Variants in PHF20 observed in about 807,000 individuals in gnomAD.
PHF20 encodes PHD finger protein 20, also known as glioma-expressed antigen 2.
PHF20 carries 23 observed loss-of-function variants against 113.5 expected under a neutral mutation model. The ratio of observed to expected loss-of-function variants is 0.20; its 90% CI spans 0.15 to 0.29. The LOEUF (loss-of-function observed/expected upper bound fraction) is 0.29, where lower values mean the gene tolerates loss of function less well. PHF20 is among the 10% of genes least tolerant of loss of function. PHF20 has a pLI of 1.00. For synonymous variants in PHF20, 434 were observed against 457.3 expected (o/e 0.95, Z 0.65); for missense variants, 943 against 1,219.6 (o/e 0.77, Z 3.38).
At chr20:35,922,729 A>G (rs1265359677) in intron 13 of PHF20, among the ~76,000 whole-genome samples, 1 of 152,252 alleles carries the variant, frequency 6.6e-6, no homozygotes, top group Non-Finnish European at 1.5e-5. Context: ...TTAAATGGCT[A>G]GATAATAAAT....
chr20:35,837,555 T>C (rs1276565471), intron 2 of PHF20, among the ~76,000 whole-genome samples: 1 of 152,276 alleles, frequency 6.6e-6, no homozygotes, highest in Non-Finnish European at 1.5e-5. Context: ...GCCTGCTTTA[T>C]GGTTGTCCAT....
rs192293288 is a variant in PHF20 at position 35,828,784 on chromosome 20, T to G, written c.84-13789T>G. Among the ~76,000 whole-genome samples, 14 of 152,302 alleles carry G rather than the reference T, an allele frequency of 9.2e-5. No homozygotes were observed. The East Asian group carries it at 2.5e-3, about 27-fold the overall frequency. Reference sequence around the variant, plus strand: ...AGCTTAGAGCAGTGTTTCTCAAACCTGAAAACATGAGGACTGGCACCTCTA... The same window carrying G: ...AGCTTAGAGCAGTGTTTCTCAAACCGGAAAACATGAGGACTGGCACCTCTA... On this transcript the variant is annotated intron_variant, in intron 2 of 17. Transcript: ENST00000374012.
chr20:35,787,200 A>G (rs867795799), intron 1 of PHF20, among the ~76,000 whole-genome samples: 11 of 150,030 alleles, frequency 7.3e-5, no homozygotes, highest in Admixed American at 4.6e-4. Context: ...TTTATTTCAG[A>G]CAGAGTTTCA....
intron 6 of PHF20, among the ~76,000 whole-genome samples, chr20:35,865,438 A>T (rs1359931610): frequency 1.3e-5 from 2 of 151,728 alleles, no homozygotes; most frequent in African/African-American, 4.8e-5. Context: ...TTAAAAAAAA[A>T]ATTTTTTTTA....
At chr20:35,917,775 A>G (rs1371620386) in intron 13 of PHF20, 113 bp downstream of exon 13, 1 of 865,916 alleles carries the variant, frequency 1.2e-6, no homozygotes, top group Non-Finnish European at 1.8e-6. Flanking sequence ...ACACAGCACG[A>G]ACGGCAGCAG....
rs1165555132 is a variant in PHF20, at chr20:35,801,214, TG to T, written c.-32-276del. On this transcript the variant is annotated intron_variant, in intron 1 of 17. Transcript: ENST00000374012. Reference sequence around the variant, plus strand: ...GACTGAATTTAACTGTGAAAGCAGTTGTTTTTTTGTAGTTCTGAGGGGTGGC... The same window carrying T: ...GACTGAATTTAACTGTGAAAGCAGTTTTTTTTTGTAGTTCTGAGGGGTGGC... Among the ~76,000 whole-genome samples the T allele has an allele frequency of 3.3e-5, 5 of 152,316 alleles. No homozygotes were observed. The East Asian group carries it at 9.6e-4, about 29-fold the overall frequency.
chr20:35,798,881 C>A (rs1015662752), intron 1 of PHF20, among the ~76,000 whole-genome samples: 6 of 152,048 alleles, frequency 3.9e-5, no homozygotes, highest in Admixed American at 3.9e-4. Flanking sequence ...CCTGCCTCAG[C>A]CTTTTCAGTA....
At chr20:35,891,371 T>C (rs1386235577) in intron 9 of PHF20, among the ~76,000 whole-genome samples, 3 of 135,462 alleles carry the variant, frequency 2.2e-5, no homozygotes, top group African/African-American at 9.0e-5. Flanking sequence ...AGAGAGACTC[T>C]ATGTCAAAAA....
chr20:35,929,062 G>A (rs1275230331), intron 14 of PHF20, among the ~76,000 whole-genome samples: 3 of 152,198 alleles, frequency 2.0e-5, no homozygotes, highest in Non-Finnish European at 4.4e-5. Flanking sequence ...CTAGTCCCCT[G>A]ATTCCTTTAG....
At chr20:35,772,913 G>T (rs1476394355) in intron 1 of PHF20, among the ~76,000 whole-genome samples, 1 of 152,000 alleles carries the variant, frequency 6.6e-6, no homozygotes. Flanking sequence ...ACATTTAGGG[G>T]CCACTTCCTT....
chr20:35,919,084 C>T (rs552703157), intron 13 of PHF20, among the ~76,000 whole-genome samples: 41 of 151,840 alleles, frequency 2.7e-4, no homozygotes, highest in African/African-American at 6.0e-4. Context: ...GGCGCGATTT[C>T]GGCTCACCAC....
chr20:35,873,466 GT>G (rs759056358), intron 9 of PHF20, among the ~76,000 whole-genome samples: 1,941 of 82,396 alleles, frequency 0.024, 37 homozygotes, highest in African/African-American at 0.085. Flanking sequence ...CTGTTTTTTT[GT>G]TTTTTTTTTT....
chr20:35,772,188 G>A (rs957764719), intron 1 of PHF20, 109 bp downstream of exon 1: 2 of 150,922 alleles, frequency 1.3e-5, no homozygotes, highest in African/African-American at 2.4e-5. Flanking sequence ...CGCTGCTTCG[G>A]TCCCCTGCCC....
chr20:35,929,047 C>T (rs1600951911), intron 14 of PHF20, among the ~76,000 whole-genome samples: 1 of 152,230 alleles, frequency 6.6e-6, no homozygotes, highest in Non-Finnish European at 1.5e-5. Flanking sequence ...GGTTCTCCCT[C>T]AGCTCTAGTC....
chr20:35,865,419 G>A (rs894385548), intron 6 of PHF20, among the ~76,000 whole-genome samples: 3 of 150,248 alleles, frequency 2.0e-5, no homozygotes, highest in South Asian at 2.1e-4. Context: ...GAAGGTTGCT[G>A]AGCCCAGTTT....
At chr20:35,803,254 A>G (rs1164794381) in intron 2 of PHF20, among the ~76,000 whole-genome samples, 4 of 92,740 alleles carry the variant, frequency 4.3e-5, no homozygotes, top group African/African-American at 8.9e-5. Flanking sequence ...TCCGTCCCGG[A>G]AAAAAAAAAA....
chr20:35,917,393 G>T lies in PHF20; in HGVS notation c.1826-91G>T, dbSNP rs1014250266. 2.7e-6 allele frequency: 3 copies of T among 1,096,392 alleles called. No individual in the cohort carries two copies. The African/African-American group carries it at 4.7e-5, about 17-fold the overall frequency. 67.9% of individuals were successfully genotyped at this position (1,096,392 alleles called of 1,614,324 possible). A position where few individuals can be genotyped will look rare whatever the true frequency, so the allele number is the denominator to read the frequency against. ...ATGAATGTTCTTGTTTGGAGGTATG[G>T]GACTATAATGTCATTTTTCATTCTT... On this transcript the variant is annotated intron_variant, in intron 12 of 17. Transcript: ENST00000374012.
At position 35,947,632 on chromosome 20, in the gene PHF20, G is replaced by A. The variant is rs1600986135; in HGVS notation, c.*5G>A. 6.2e-7 allele frequency: 1 copy of A among 1,612,408 alleles called. No homozygotes were observed. The highest frequency in any genetic ancestry group is 8.5e-7 in the Non-Finnish European group (1 of 1,178,890). ...GCCCTCTGCTGCTCAACATGAAACT[G>A]GGCACCCAAAACTCATGGGGGCACA... On this transcript the variant is annotated 3_prime_UTR_variant, in exon 18 of 18. Coordinates refer to ENST00000374012, the MANE Select transcript of PHF20 (RefSeq NM_016436.5).
chr20:35,885,980 C>T (rs898527773), intron 9 of PHF20, among the ~76,000 whole-genome samples: 3 of 151,840 alleles, frequency 2.0e-5, no homozygotes, highest in Non-Finnish European at 2.9e-5. Flanking sequence ...TTATATTCTG[C>T]CTTAGGGGGG....
Sources: gnomAD v4.1 joint callset for allele counts (sites outside exome capture counted in the v4.1 genomes callset) on GRCh38, gnomAD v4.1.1 for gene constraint, MANE v1.5 for transcripts, NCBI Gene and HGNC (gene_info 2026-07-23, HGNC 2026-07-21) for gene names.